The following TMEM245 variants were observed in gnomAD, a reference collection of about 807,000 sequenced individuals.
The protein encoded by TMEM245 is transmembrane protein 245, also known as protein CG-2.
In TMEM245, 69 loss-of-function variants were observed where a neutral mutation model predicts 101.2. That is an observed-to-expected ratio of 0.68 (90% CI 0.56 to 0.83). The LOEUF is 0.83. Ranked by LOEUF, TMEM245 falls within the 40% of genes least tolerant of loss-of-function variation. TMEM245 has a pLI of 0.00. For missense variants in TMEM245, 1,075 were observed against 1,092.8 expected (o/e 0.98, Z 0.23); for synonymous variants, 537 against 449.8 (o/e 1.19, Z -2.45).
intron 3 of TMEM245, among the ~76,000 whole-genome samples, chr9:109,094,238 A>G (rs1370988377): frequency 6.6e-6 from 1 of 152,230 alleles, no homozygotes; most frequent in Non-Finnish European, 1.5e-5. Flanking sequence ...TGGCAAAGGA[A>G]GTCTGTCAAC....
Position 109,087,278 on chromosome 9 carries a change from A to G in TMEM245, c.1215T>C (p.His405=), listed in dbSNP as rs372611366. ...AGCTTTCTATAATGCCCCACCACAC[A>G]TGGTAGCGTTTCTCTAGGAAATCCA... is the stretch of plus-strand genomic sequence containing the variant. ...GVVDFLEKRY[H]VWWGIIESFL... Residue 405 remains histidine, a synonymous_variant, in exon 6 of 18, where the codon CAT becomes CAC. Transcript: ENST00000374586. The G allele has an allele frequency of 1.1e-5, 18 of 1,613,704 alleles. No homozygotes were observed. Among genetic ancestry groups the G allele is most frequent in the African/African-American group, 2.7e-5 (2 of 74,904 alleles).
Position 109,030,116 on chromosome 9 carries a change from T to C in TMEM245, c.2594+3191A>G, listed in dbSNP as rs112937222. Among the ~76,000 whole-genome samples, 147 of 152,328 alleles carry C rather than the reference T, an allele frequency of 9.7e-4. 1 individual carries two copies. Among genetic ancestry groups the C allele is most frequent in the African/African-American group, 3.3e-3 (137 of 41,574 alleles). Reference sequence around the variant, plus strand: ...TCTAACCTTCCAAGTCGGAAGTTATTAGATGATGCCTATATATGACCAAAT... The same window carrying C: ...TCTAACCTTCCAAGTCGGAAGTTATCAGATGATGCCTATATATGACCAAAT... On this transcript the variant is annotated intron_variant, in intron 17 of 17. Coordinates refer to ENST00000374586, the MANE Select transcript of TMEM245 (RefSeq NM_032012.4).
chr9:109,091,159 A>T lies in TMEM245; in HGVS notation c.917-4T>A. On this transcript the variant is annotated splice_polypyrimidine_tract_variant and splice_region_variant and intron_variant, in intron 4 of 17. Coordinates refer to ENST00000374586, the MANE Select transcript of TMEM245 (RefSeq NM_032012.4). ...GATTCTCCCCTGTCCACTGCTTCTG[A>T]AAAGGAAAAGAAAAACACCACACAC... The T allele has an allele frequency of 6.2e-7, 1 of 1,612,136 alleles. No homozygotes were observed. The highest frequency in any genetic ancestry group is 8.5e-7 in the Non-Finnish European group (1 of 1,178,864).
Position 109,050,133 on chromosome 9 carries a change from T to C in TMEM245, c.2123+150A>G, listed in dbSNP as rs573632320. 5.6e-6 allele frequency: 5 copies of C among 899,498 alleles called. No homozygotes were observed. The Admixed American group carries it at 1.1e-4, about 20-fold the overall frequency. The allele number at this position is 899,498 out of a possible 1,614,324, so 55.7% of individuals were successfully genotyped here. The stretch of plus-strand genomic sequence containing the variant: ...TTAACAACTGCACTGTTCATATTTA[T>C]CCTGTCAAAATGAGATGAAAACCTT... On this transcript the variant is annotated intron_variant, in intron 14 of 17. Transcript: ENST00000374586.
At chr9:109,056,600 A>G (rs1474081341) in intron 12 of TMEM245, among the ~76,000 whole-genome samples, 1 of 152,102 alleles carries the variant, frequency 6.6e-6, no homozygotes, top group Non-Finnish European at 1.5e-5. Context: ...TAGGCAACAG[A>G]ATGAACTCCG....
intron 1 of TMEM245, among the ~76,000 whole-genome samples, chr9:109,117,208 CAA>C (rs2132685475): frequency 6.6e-6 from 1 of 152,076 alleles, no homozygotes; most frequent in African/African-American, 2.4e-5. Context: ...CTCCCGGGTT[CAA>C]GTGATTCTTC....
chr9:109,027,329 G>A (rs1307514860), intron 17 of TMEM245, among the ~76,000 whole-genome samples: 2 of 127,354 alleles, frequency 1.6e-5, no homozygotes, highest in African/African-American at 3.1e-5. Context: ...CTCCTTGGCA[G>A]AAAACTAGAG....
chr9:109,110,035 A>AT (rs1207879600), intron 1 of TMEM245, among the ~76,000 whole-genome samples: 1 of 152,166 alleles, frequency 6.6e-6, no homozygotes, highest in Non-Finnish European at 1.5e-5. Context: ...TAAAAAGGAC[A>AT]TTAAAATATT....
intron 10 of TMEM245, among the ~76,000 whole-genome samples, chr9:109,064,226 T>C (rs902737722): frequency 6.6e-6 from 1 of 152,274 alleles, no homozygotes; most frequent in African/African-American, 2.4e-5. Context: ...AAGTGATCAT[T>C]CTGTCCTAAC....
At chr9:109,063,948 T>A (rs1281220941) in intron 10 of TMEM245, among the ~76,000 whole-genome samples, 1 of 152,220 alleles carries the variant, frequency 6.6e-6, no homozygotes, top group Non-Finnish European at 1.5e-5. Flanking sequence ...AACAAAGGAT[T>A]TGAAGTTAAG....
intron 3 of TMEM245, among the ~76,000 whole-genome samples, chr9:109,101,133 A>C (rs1222539591): frequency 2.0e-5 from 3 of 152,200 alleles, no homozygotes; most frequent in Non-Finnish European, 4.4e-5. Flanking sequence ...AAATAAAATA[A>C]GAATAATAAA....
intron 3 of TMEM245, 72 bp downstream of exon 3, chr9:109,106,436 A>G: frequency 1.1e-6 from 1 of 919,206 alleles, no homozygotes; most frequent in Non-Finnish European, 1.6e-6. Context: ...CTGTTTCATC[A>G]TAGCATTTTT....
At chr9:109,078,427 A>G (rs1315113904) in intron 8 of TMEM245, among the ~76,000 whole-genome samples, 8 of 152,210 alleles carry the variant, frequency 5.3e-5, no homozygotes, top group African/African-American at 1.9e-4. Flanking sequence ...CATTCCATAT[A>G]AGTGCAGGTC....
At chr9:109,036,167 T>C in intron 16 of TMEM245, 39 bp downstream of exon 16, 1 of 1,496,682 alleles carries the variant, frequency 6.7e-7, no homozygotes. Flanking sequence ...CGGAAATGCC[T>C]GGATGATTCA....
chr9:109,118,644 G>A (rs963340895), intron 1 of TMEM245, among the ~76,000 whole-genome samples: 1 of 152,200 alleles, frequency 6.6e-6, no homozygotes, highest in South Asian at 2.1e-4. Context: ...TACTCCAGGC[G>A]GGAGGAGGTG....
intron 12 of TMEM245, among the ~76,000 whole-genome samples, chr9:109,054,190 G>C (rs1828769438): frequency 6.6e-6 from 1 of 152,108 alleles, no homozygotes; most frequent in Non-Finnish European, 1.5e-5. Context: ...AATCAGCTGG[G>C]TGTGGTGGTG....
At chr9:109,037,798 A>AT (rs35936519) in intron 15 of TMEM245, among the ~76,000 whole-genome samples, 2 of 152,086 alleles carry the variant, frequency 1.3e-5, no homozygotes, top group East Asian at 3.8e-4. Flanking sequence ...TAATACAGCA[A>AT]TTTTTTCTAT....
At chr9:109,075,619 T>C (rs1829475082) in intron 8 of TMEM245, among the ~76,000 whole-genome samples, 1 of 152,256 alleles carries the variant, frequency 6.6e-6, no homozygotes, top group African/African-American at 2.4e-5. Flanking sequence ...CATTTAATGT[T>C]ATCAAACTTG....
intron 3 of TMEM245, among the ~76,000 whole-genome samples, chr9:109,099,646 AAG>A (rs1179539104): frequency 6.6e-6 from 1 of 152,182 alleles, no homozygotes; most frequent in Non-Finnish European, 1.5e-5. Flanking sequence ...AAAAAAAACT[AAG>A]AGTATTTTTA....
Sources: allele counts gnomAD v4.1 joint callset (sites outside exome capture counted in the v4.1 genomes callset), GRCh38; gene constraint gnomAD v4.1.1; transcripts MANE v1.5; gene names NCBI Gene and HGNC (gene_info 2026-07-23, HGNC 2026-07-21).